LRMDA: variants seen among roughly 807,000 people sequenced by gnomAD.
The protein encoded by LRMDA is leucine-rich melanocyte differentiation-associated protein.
A neutral mutation model predicts 29.8 loss-of-function variants in LRMDA; 18 were observed. That is an observed-to-expected ratio of 0.60 (90% CI 0.42 to 0.90). The LOEUF is 0.90. LRMDA is among the 40% of genes least tolerant of loss of function. LRMDA has a pLI of 0.00. For missense variants in LRMDA, 273 were observed against 273.9 expected, an observed-to-expected ratio of 1.00 and a Z score of 0.02; for synonymous variants, 125 against 109.4, an observed-to-expected ratio of 1.14 and a Z score of -0.89.
At chr10:76,258,353 T>G (rs1839893259) in intron 5 of LRMDA, among the ~76,000 whole-genome samples, 1 of 152,188 alleles carries the variant, frequency 6.6e-6, no homozygotes, top group South Asian at 2.1e-4. Flanking sequence ...CTTGTACATA[T>G]TTATGGGATA....
intron 5 of LRMDA, among the ~76,000 whole-genome samples, chr10:76,151,588 C>T (rs1400415327): frequency 1.3e-5 from 2 of 152,136 alleles, no homozygotes; most frequent in African/African-American, 4.8e-5. Flanking sequence ...AAATATATTT[C>T]CCTCTACCCA....
intron 2 of LRMDA, among the ~76,000 whole-genome samples, chr10:75,942,623 G>A (rs370368864): frequency 1.3e-5 from 2 of 152,200 alleles, no homozygotes; most frequent in East Asian, 3.9e-4. Flanking sequence ...TGTTTAATTG[G>A]CAACAAGTGA....
At chr10:76,232,806 TCCC>T (rs1188382334) in intron 5 of LRMDA, among the ~76,000 whole-genome samples, 1 of 152,114 alleles carries the variant, frequency 6.6e-6, no homozygotes, top group Non-Finnish European at 1.5e-5. Context: ...ACAGGGGTGG[TCCC>T]CCTACCCAAA....
chr10:76,176,042 T>C (rs929115266), intron 5 of LRMDA, among the ~76,000 whole-genome samples: 1 of 152,246 alleles, frequency 6.6e-6, no homozygotes, highest in Admixed American at 6.5e-5. Flanking sequence ...GTGGGCTGCA[T>C]GCTACCAATT....
chr10:75,495,410 C>T (rs1482590945), intron 2 of LRMDA, among the ~76,000 whole-genome samples: 1 of 151,976 alleles, frequency 6.6e-6, no homozygotes, highest in Admixed American at 6.6e-5. Context: ...AGATGGTGGG[C>T]ATGGAGGGGA....
chr10:76,483,530 C>CG (rs1279183492), intron 6 of LRMDA, among the ~76,000 whole-genome samples: 1 of 151,778 alleles, frequency 6.6e-6, no homozygotes, highest in Non-Finnish European at 1.5e-5. Flanking sequence ...GAATGATCTC[C>CG]GGGGCTCCAG....
intron 2 of LRMDA, among the ~76,000 whole-genome samples, chr10:75,914,998 T>A (rs55662253): frequency 0.13 from 19,125 of 152,176 alleles, 1,353 homozygotes; most frequent in Middle Eastern, 0.3. Context: ...CAGGTTGTTA[T>A]CTTGTTATCT....
Position 75,965,646 on chromosome 10 carries a change from T to A in LRMDA, c.132-70362T>A, listed in dbSNP as rs79092610. ...TGGGCTCTGTGGTGCTGTTATGGCT[T>A]GGCCCGGCTCAGTTTCCTTTCTCTT... On this transcript the variant is annotated intron_variant, in intron 2 of 6. Transcript: ENST00000611255. Among the ~76,000 whole-genome samples the A allele has an allele frequency of 2.6e-5, 4 of 152,344 alleles. No individual in the cohort carries two copies. In the East Asian group the frequency reaches 7.7e-4, roughly 29 times the overall value.
intron 5 of LRMDA, among the ~76,000 whole-genome samples, chr10:76,087,824 G>A (rs1849161609): frequency 6.6e-6 from 1 of 152,092 alleles, no homozygotes; most frequent in South Asian, 2.1e-4. Flanking sequence ...TGAAAATATA[G>A]CAAGAACTCT....
intron 6 of LRMDA, among the ~76,000 whole-genome samples, chr10:76,416,721 G>C (rs10824416): frequency 6.6e-6 from 1 of 152,150 alleles, no homozygotes; most frequent in African/African-American, 2.4e-5. Flanking sequence ...TCAAGTAGTC[G>C]TAATAATATC....
At chr10:75,717,131 G>A (rs932455414) in intron 2 of LRMDA, among the ~76,000 whole-genome samples, 26 of 152,220 alleles carry the variant, frequency 1.7e-4, no homozygotes, top group Admixed American at 6.5e-5. Context: ...TCTGGGCTAA[G>A]GGAAATTAGG....
chr10:75,749,935 C>T (rs1056662601), intron 2 of LRMDA, among the ~76,000 whole-genome samples: 5 of 152,146 alleles, frequency 3.3e-5, no homozygotes, highest in African/African-American at 4.8e-5. Flanking sequence ...TCAGAGAGCA[C>T]GGGGTTGGGG....
chr10:76,084,095 T>A (rs10824361), intron 5 of LRMDA, among the ~76,000 whole-genome samples: 70,198 of 152,074 alleles, frequency 0.46, 16,891 homozygotes, highest in African/African-American at 0.52. Context: ...CAACAATTTG[T>A]TGGAGAAGAA....
intron 5 of LRMDA, among the ~76,000 whole-genome samples, chr10:76,283,345 G>A (rs1371094050): frequency 6.6e-6 from 1 of 152,156 alleles, no homozygotes; most frequent in East Asian, 1.9e-4. Context: ...TACACGAGTG[G>A]TGCACCTGTT....
intron 6 of LRMDA, among the ~76,000 whole-genome samples, chr10:76,374,731 C>G (rs530902831): frequency 6.6e-6 from 1 of 152,158 alleles, no homozygotes; most frequent in African/African-American, 2.4e-5. Context: ...GCATGAACAG[C>G]AGGGGAAGTT....
chr10:76,511,729 C>A (rs147472450), intron 6 of LRMDA, among the ~76,000 whole-genome samples: 75 of 150,874 alleles, frequency 5.0e-4, no homozygotes, highest in African/African-American at 1.6e-3. Flanking sequence ...TAAAGAAGAG[C>A]AAAATAATAG....
In LRMDA at chr10:76,151,722, T is replaced by C. The variant is rs186507536; in HGVS notation, c.516+92939T>C. Among the ~76,000 whole-genome samples the C allele has an allele frequency of 5.8e-4, 89 of 152,352 alleles. 2 individuals carry two copies. In the East Asian group the frequency reaches 0.015, roughly 26 times the overall value. ...AATTGCATTTTTTCCTGCTGATACA[T>C]GAAAAAGCAATTTTTTGTTTTCATA... On this transcript the variant is annotated intron_variant, in intron 5 of 6. Transcript: ENST00000611255.
intron 5 of LRMDA, among the ~76,000 whole-genome samples, chr10:76,122,424 C>G (rs1281498695): frequency 6.6e-6 from 1 of 152,008 alleles, no homozygotes; most frequent in Non-Finnish European, 1.5e-5. Context: ...AATCTAGGTA[C>G]AAATCTTGTC....
At chr10:76,294,200 GTGTT>G (rs1398288413) in intron 5 of LRMDA, among the ~76,000 whole-genome samples, 1 of 152,192 alleles carries the variant, frequency 6.6e-6, no homozygotes, top group African/African-American at 2.4e-5. Context: ...TTGTGTGTGT[GTGTT>G]TGTGTTAATC....
Sources: allele counts gnomAD v4.1 joint callset (sites outside exome capture counted in the v4.1 genomes callset), GRCh38; gene constraint gnomAD v4.1.1; transcripts MANE v1.5; gene names NCBI Gene and HGNC (gene_info 2026-07-23, HGNC 2026-07-21).